ZNF93: variants seen among roughly 807,000 people sequenced by gnomAD.
The protein encoded by ZNF93 is zinc finger protein 505.
A neutral mutation model predicts 45.0 loss-of-function variants in ZNF93; 29 were observed. That is an observed-to-expected ratio of 0.64 (90% CI 0.48 to 0.88). The LOEUF (loss-of-function observed/expected upper bound fraction) is 0.88, where lower values mean the gene tolerates loss of function less well. ZNF93 is among the 40% of genes least tolerant of loss of function. ZNF93 has a pLI of 0.00. For missense variants in ZNF93, 578 were observed against 724.0 expected (o/e 0.80, Z 2.31); for synonymous variants, 223 against 244.6 (o/e 0.91, Z 0.82).
chr19:19,901,007 C>T lies in ZNF93; in HGVS notation c.-82C>T. Reference sequence around the variant, plus strand: ...CACTACTCTGTGTCCTGTGCTCCTACAGGCCCAGCCTCTGTGGCCCTGTGA... The same window carrying T: ...CACTACTCTGTGTCCTGTGCTCCTATAGGCCCAGCCTCTGTGGCCCTGTGA... On this transcript the variant is annotated 5_prime_UTR_variant, in exon 1 of 4. Coordinates refer to ENST00000343769, the MANE Select transcript of ZNF93 (RefSeq NM_031218.4). The T allele has an allele frequency of 6.3e-7, 1 of 1,589,732 alleles. No homozygotes were observed. Among genetic ancestry groups the T allele is most frequent in the Non-Finnish European group, 8.6e-7 (1 of 1,158,830 alleles).
rs2063292850 is a variant in ZNF93 at position 19,906,326 on chromosome 19, G to A, written c.3+5235G>A. Among the ~76,000 whole-genome samples the A allele has an allele frequency of 2.0e-5, 3 of 152,098 alleles. No homozygotes were observed. The South Asian group carries it at 6.2e-4, about 32-fold the overall frequency. Reference sequence around the variant, plus strand: ...TCATATGCTTGTTAGTCACATGTATGCCTGCTTTTGAAAAGCATCTGTTCA... The same window carrying A: ...TCATATGCTTGTTAGTCACATGTATACCTGCTTTTGAAAAGCATCTGTTCA... On this transcript the variant is annotated intron_variant, in intron 1 of 3. Coordinates refer to ENST00000343769, the MANE Select transcript of ZNF93 (RefSeq NM_031218.4).
intron 1 of ZNF93, among the ~76,000 whole-genome samples, chr19:19,913,233 T>TAAATCACTCGTTATAAATC (rs2063314596): frequency 6.6e-6 from 1 of 152,254 alleles, no homozygotes; most frequent in East Asian, 1.9e-4. Flanking sequence ...AAGTGATTTA[T>TAAATCACTCGTTATAAATC]AAGCTCGTTA....
Position 19,933,242 on chromosome 19 carries a change from A to G in ZNF93, c.287A>G (p.Gln96Arg). The change falls in exon 4 of 4, where the codon CAA becomes CGA. Residue 96 changes from glutamine to arginine, a missense_variant. Coordinates refer to ENST00000343769, the MANE Select transcript of ZNF93 (RefSeq NM_031218.4). The part of the protein sequence containing the change: ...WPEQNIKDSF[Q>R]KVILRRYEKR... ...GAGCAGAACATAAAAGATTCTTTCC[A>G]AAAAGTGATACTGAGAAGATATGAA... 1 of 1,605,270 alleles carries G rather than the reference A, an allele frequency of 6.2e-7. No individual in the cohort carries two copies. Among genetic ancestry groups the G allele is most frequent in the Non-Finnish European group, 8.5e-7 (1 of 1,176,216 alleles).
chr19:19,903,819 C>T (rs907495185), intron 1 of ZNF93, among the ~76,000 whole-genome samples: 3 of 151,274 alleles, frequency 2.0e-5, no homozygotes, highest in Admixed American at 6.6e-5. Context: ...ACCTGTAATC[C>T]GAGCACTGTG....
chr19:19,910,496 C>G (rs879358629), intron 1 of ZNF93, among the ~76,000 whole-genome samples: 1 of 151,998 alleles, frequency 6.6e-6, no homozygotes, highest in Admixed American at 6.6e-5. Context: ...TTGTATCAGC[C>G]CACTCTCTGT....
intron 1 of ZNF93, 40 bp from the exon 2 acceptor site, chr19:19,915,240 C>T (rs751646572): frequency 6.2e-7 from 1 of 1,612,236 alleles, no homozygotes; most frequent in Non-Finnish European, 8.5e-7. Flanking sequence ...AAAATTCCAC[C>T]CATGGCCACT....
At chr19:19,907,230 T>G (rs2063295564) in intron 1 of ZNF93, among the ~76,000 whole-genome samples, 1 of 152,092 alleles carries the variant, frequency 6.6e-6, no homozygotes, top group Non-Finnish European at 1.5e-5. Flanking sequence ...TAGACACAGA[T>G]TTGTTTAGAT....
intron 1 of ZNF93, 98 bp from the exon 2 acceptor site, chr19:19,915,182 G>T: frequency 1.2e-6 from 2 of 1,600,954 alleles, no homozygotes; most frequent in Non-Finnish European, 1.7e-6. Context: ...AGTCCTATAA[G>T]TCAGAACCAC....
rs936965490 is a variant in ZNF93, at chr19:19,929,863, G to T, written c.227-3319G>T. On this transcript the variant is annotated intron_variant, in intron 3 of 3. Transcript: ENST00000343769. Reference sequence around the variant, plus strand: ...TGAGGCAGGAGAATGGCGTGAACCCGGGAGGCGGAGCTTGCAGTGAGCCGA... The same window carrying T: ...TGAGGCAGGAGAATGGCGTGAACCCTGGAGGCGGAGCTTGCAGTGAGCCGA... 2.0e-5 allele frequency among the ~76,000 whole-genome samples: 3 copies of T among 148,318 alleles called. No homozygotes were observed. In the South Asian group the frequency reaches 6.5e-4, roughly 32 times the overall value.
At chr19:19,924,647 A>G (rs566964167) in intron 3 of ZNF93, among the ~76,000 whole-genome samples, 7 of 150,434 alleles carry the variant, frequency 4.7e-5, no homozygotes, top group African/African-American at 9.8e-5. Context: ...CTGAAGTGCA[A>G]TGGTGCAATC....
In ZNF93 at chr19:19,933,961, A is replaced by C. The variant is rs772768797; in HGVS notation, c.1006A>C (p.Thr336Pro). 21 of 1,612,620 alleles carry C rather than the reference A, an allele frequency of 1.3e-5. No individual in the cohort carries two copies. The highest frequency in any genetic ancestry group is 1.7e-5 in the Non-Finnish European group (20 of 1,179,396). ...CCTTACTACACATAAGAGAATTCAT[A>C]CTGGAGAGAAACCATACAAGTGTAA... ...RILTTHKRIH[T>P]GEKPYKCNKC... is the part of the protein sequence containing the mutation. The change falls in exon 4 of 4, where the codon ACT (threonine) becomes CCT (proline). Residue 336 changes from threonine (T) to proline (P), a missense_variant. Thr to Pro is a conservative substitution (Grantham distance 38). Coordinates refer to ENST00000343769, the MANE Select transcript of ZNF93 (RefSeq NM_031218.4).
In ZNF93 at chr19:19,933,898, T is replaced by C; in HGVS notation, c.943T>C (p.Cys315Arg). ...KIHTGEKPYV[C>R]EECGKAFKYS... ...TCATACTGGAGAGAAGCCCTACGTTTGTGAAGAATGTGGCAAAGCCTTTAA... is the reference window on the plus strand; with the variant it reads ...TCATACTGGAGAGAAGCCCTACGTTCGTGAAGAATGTGGCAAAGCCTTTAA... The change falls in exon 4 of 4, where the codon TGT becomes CGT. Residue 315 changes from cysteine to arginine, a missense_variant. Cys to Arg is a radical substitution (Grantham distance 180, BLOSUM62 -3). This residue lies in a region of ZNF93 where 446 missense variants were observed against 547.6 expected (regional missense o/e 0.81). Coordinates refer to ENST00000343769, the MANE Select transcript of ZNF93 (RefSeq NM_031218.4). 6.2e-7 allele frequency: 1 copy of C among 1,613,100 alleles called. No individual in the cohort carries two copies. Among genetic ancestry groups the C allele is most frequent in the Non-Finnish European group, 8.5e-7 (1 of 1,179,796 alleles).
At chr19:19,932,127 G>A (rs149628406) in intron 3 of ZNF93, 16,056 of 214,152 alleles carry the variant, frequency 0.075, 1,186 homozygotes, top group African/African-American at 0.2. Context: ...CAAAAAATTA[G>A]CCAGGCATGG....
At chr19:19,924,681 C>G (rs2063351491) in intron 3 of ZNF93, among the ~76,000 whole-genome samples, 1 of 151,964 alleles carries the variant, frequency 6.6e-6, no homozygotes, top group South Asian at 2.1e-4. Context: ...ACCTCCACCT[C>G]CTGGGTTCAA....
chr19:19,917,508 A>G (rs2063327959), intron 3 of ZNF93, among the ~76,000 whole-genome samples: 1 of 152,096 alleles, frequency 6.6e-6, no homozygotes, highest in Non-Finnish European at 1.5e-5. Flanking sequence ...AAGTGCATGA[A>G]ACCATTCATA....
At chr19:19,902,840 C>T (rs1306085942) in intron 1 of ZNF93, among the ~76,000 whole-genome samples, 1 of 151,446 alleles carries the variant, frequency 6.6e-6, no homozygotes, top group East Asian at 2.0e-4. Context: ...GGGTTCACGC[C>T]ATTCTCCTGC....
At chr19:19,913,496 T>C (rs2063315348) in intron 1 of ZNF93, among the ~76,000 whole-genome samples, 1 of 152,192 alleles carries the variant, frequency 6.6e-6, no homozygotes, top group African/African-American at 2.4e-5. Flanking sequence ...TCACAGGGCC[T>C]ATTCTATTTG....
intron 1 of ZNF93, among the ~76,000 whole-genome samples, chr19:19,912,476 C>T (rs904170821): frequency 2.8e-5 from 4 of 142,536 alleles, no homozygotes; most frequent in Non-Finnish European, 4.6e-5. Context: ...GCAGATAAAT[C>T]GGGAAAAAAA....
At chr19:19,922,873 A>G (rs1452905832) in intron 3 of ZNF93, among the ~76,000 whole-genome samples, 2 of 152,084 alleles carry the variant, frequency 1.3e-5, no homozygotes, top group African/African-American at 2.4e-5. Flanking sequence ...CTTCTTTGCC[A>G]TGGGTTTGAA....
Sources: allele counts gnomAD v4.1 joint callset (sites outside exome capture counted in the v4.1 genomes callset), GRCh38; gene constraint gnomAD v4.1.1; regional missense constraint gnomAD v4.1.1; transcripts MANE v1.5; gene names NCBI Gene and HGNC (gene_info 2026-07-23, HGNC 2026-07-21).